The following DTX2 variants were observed in gnomAD, a reference collection of about 807,000 sequenced individuals.
DTX2 encodes probable E3 ubiquitin-protein ligase DTX2.
Under a neutral mutation model 55.3 loss-of-function variants are expected in DTX2, and 29 were observed. The observed-to-expected ratio is 0.52, with a 90% CI of 0.39 to 0.71. The LOEUF (loss-of-function observed/expected upper bound fraction) is 0.71. Among genes scored for constraint, DTX2 ranks in the 30% least tolerant of loss-of-function variants. The pLI is 0.00. For missense variants in DTX2, 537 were observed against 822.5 expected (o/e 0.65, Z 4.25); for synonymous variants, 276 against 340.4 (o/e 0.81, Z 2.08).
chr7:76,502,780 G>T (rs547856779), intron 8 of DTX2: 1 of 424,260 alleles, frequency 2.4e-6, no homozygotes, highest in East Asian at 3.8e-5. Context: ...TGTAAGCACC[G>T]CAGACACTGT....
At chr7:76,499,461 T>C (rs1374643240) in intron 6 of DTX2, among the ~76,000 whole-genome samples, 3 of 152,044 alleles carry the variant, frequency 2.0e-5, no homozygotes, top group Non-Finnish European at 4.4e-5. Context: ...GCCCTCAGGC[T>C]TAGAATTCTC....
rs372062282 is a variant in DTX2, at chr7:76,502,527, G to A, written c.1389+71G>A. 4.8e-4 allele frequency: 740 copies of A among 1,528,654 alleles called. 3 individuals are homozygous for A. The highest frequency in any genetic ancestry group is 4.3e-3 in the South Asian group (353 of 81,638). 94.7% of individuals were successfully genotyped at this position (1,528,654 alleles called of 1,614,324 possible). Reference sequence around the variant, plus strand: ...GTCCTGAGCTGTCCCCTGCAGGGGCGGGAGGGTTCCGGGGGTGGCTGTAGG... The same window carrying A: ...GTCCTGAGCTGTCCCCTGCAGGGGCAGGAGGGTTCCGGGGGTGGCTGTAGG... On this transcript the variant is annotated intron_variant, in intron 8 of 10. Coordinates refer to ENST00000430490, the MANE Select transcript of DTX2 (RefSeq NM_001102594.3).
intron 8 of DTX2, chr7:76,503,132 A>G (rs529832992): frequency 4.2e-6 from 2 of 479,834 alleles, no homozygotes; most frequent in East Asian, 3.4e-5. Context: ...AAGGCTGTCT[A>G]TCCGACTGCA....
chr7:76,463,062 G>A (rs1337168815), intron 1 of DTX2, among the ~76,000 whole-genome samples: 1 of 106,214 alleles, frequency 9.4e-6, no homozygotes, highest in East Asian at 2.6e-4. Flanking sequence ...GGGAGACCCC[G>A]TCTCAAAAAA....
rs1424899956 is a variant in DTX2, at chr7:76,484,110, G to A, written c.908+963G>A. Among the ~76,000 whole-genome samples, 9 of 131,558 alleles carry A rather than the reference G, an allele frequency of 6.8e-5. No homozygotes were observed. In the East Asian group the frequency reaches 1.4e-3, roughly 20 times the overall value. 86.3% of individuals were successfully genotyped at this position (131,558 alleles called of 152,430 possible). Reference sequence around the variant, plus strand: ...TGTAGTTCCAGCACTTTGGGAGGCCGAGGTGGGCGGATCACCTGAGGTCAG... The same window carrying A: ...TGTAGTTCCAGCACTTTGGGAGGCCAAGGTGGGCGGATCACCTGAGGTCAG... On this transcript the variant is annotated intron_variant, in intron 4 of 10. Coordinates refer to ENST00000430490, the MANE Select transcript of DTX2 (RefSeq NM_001102594.3).
chr7:76,491,951 C>CG (rs1376877887), intron 4 of DTX2: 1 of 588,466 alleles, frequency 1.7e-6, no homozygotes, highest in African/African-American at 1.9e-5. Flanking sequence ...CTGGGATTAC[C>CG]GGTGTGAGCC....
intron 2 of DTX2, among the ~76,000 whole-genome samples, chr7:76,472,997 G>C (rs1054760584): frequency 6.6e-6 from 1 of 151,348 alleles, no homozygotes; most frequent in Admixed American, 6.6e-5. Flanking sequence ...TTTCTTTTCC[G>C]TTTTTTTTAA....
intron 4 of DTX2, among the ~76,000 whole-genome samples, chr7:76,487,231 A>T: frequency 3.5e-5 from 1 of 28,874 alleles, no homozygotes; most frequent in South Asian, 1.1e-3. Flanking sequence ...CTAATTTTTT[A>T]AATTTTTTGT....
At chr7:76,499,026 A>G (rs1489415546) in intron 6 of DTX2, among the ~76,000 whole-genome samples, 6 of 14,290 alleles carry the variant, frequency 4.2e-4, no homozygotes, top group Admixed American at 8.4e-4. Flanking sequence ...GGGGTGTGTG[A>G]GGTGGGGTGT....
chr7:76,505,640 G>A lies in DTX2; in HGVS notation c.*39G>A, dbSNP rs760456971. 1.3e-5 allele frequency: 20 copies of A among 1,528,530 alleles called. No homozygotes were observed. The highest frequency in any genetic ancestry group is 7.9e-5 in the Admixed American group (4 of 50,750). 94.7% of individuals were successfully genotyped at this position (1,528,530 alleles called of 1,614,324 possible). On this transcript the variant is annotated 3_prime_UTR_variant, in exon 11 of 11. Coordinates refer to ENST00000430490, the MANE Select transcript of DTX2 (RefSeq NM_001102594.3). This position sits in a 1 kb window ranked among gnomAD's most constrained non-coding sequence, Gnocchi z 4.4. ...CACGCCCGCCTCTGGTGGCCACCCC[G>A]CTGCCCCATGGCTGGCTGGGTGGCC...
chr7:76,505,331 C>A lies in DTX2; in HGVS notation c.1642-43C>A. On this transcript the variant is annotated intron_variant, in intron 10 of 10. Coordinates refer to ENST00000430490, the MANE Select transcript of DTX2 (RefSeq NM_001102594.3). The surrounding 1 kb of genome is among the most constrained non-coding windows in gnomAD (Gnocchi z 4.4). ...GCCTGCTCACTGAGCCCCTCTCACT[C>A]TCCGTCCCCTCCTTCCTCTTCCCCC... 6.6e-7 allele frequency: 1 copy of A among 1,507,964 alleles called. No homozygotes were observed. Among genetic ancestry groups the A allele is most frequent in the Non-Finnish European group, 9.0e-7 (1 of 1,110,906 alleles). 93.4% of individuals were successfully genotyped at this position (1,507,964 alleles called of 1,614,324 possible).
intron 2 of DTX2, 37 bp from the exon 3 acceptor site, chr7:76,480,384 G>A: frequency 1.8e-6 from 2 of 1,141,488 alleles, no homozygotes; most frequent in South Asian, 3.3e-5. Flanking sequence ...GGCTACTGAT[G>A]TGCATTGGTA....
At chr7:76,503,375 C>G (rs1811952931) in intron 8 of DTX2, 51 bp from the exon 9 acceptor site, 1 of 1,586,290 alleles carries the variant, frequency 6.3e-7, no homozygotes, top group Admixed American at 1.7e-5. Flanking sequence ...AGGTGACGGT[C>G]TTGGGTGTTC....
chr7:76,482,686 G>A lies in DTX2; in HGVS notation c.447G>A (p.Gly149=), dbSNP rs1809389085. 6.2e-7 allele frequency: 1 copy of A among 1,613,656 alleles called. No homozygotes were observed. Among genetic ancestry groups the A allele is most frequent in the African/African-American group, 1.3e-5 (1 of 74,880 alleles). ...GNQLVDLAPL[G]YNYTVNYTTH... is the part of the protein sequence containing the mutation. Reference sequence around the variant, plus strand: ...AGCTCGTGGACTTGGCCCCCCTGGGGTACAACTACACTGTCAACTACACCA... The same window carrying A: ...AGCTCGTGGACTTGGCCCCCCTGGGATACAACTACACTGTCAACTACACCA... The change falls in exon 4 of 11, where the codon GGG becomes GGA. Residue 149 remains glycine, a synonymous_variant. Coordinates refer to ENST00000430490, the MANE Select transcript of DTX2 (RefSeq NM_001102594.3).
rs370743551 is a variant in DTX2 at position 76,503,475 on chromosome 7, C to T, written c.1439C>T (p.Thr480Met). Residue 480 changes from threonine (T) to methionine (M), a missense_variant, in exon 9 of 11, where the codon ACG becomes ATG. Thr to Met is a moderately conservative substitution (Grantham distance 81, BLOSUM62 -1). This residue lies in a region of DTX2 where 121 missense variants were observed against 136.8 expected (regional missense o/e 0.88). Transcript: ENST00000430490. ...PSCKTIYGEK[T>M]GTQPQGKMEV... ...TGCAAAACCATCTATGGAGAGAAGA[C>T]GGGGACCCAGCCCCAGGGAAAGATG... 72 of 1,612,878 alleles carry T rather than the reference C, an allele frequency of 4.5e-5. No homozygotes were observed. Among genetic ancestry groups the T allele is most frequent in the Non-Finnish European group, 5.4e-5 (64 of 1,179,942 alleles).
In DTX2 at chr7:76,476,786, T is replaced by C. The variant is rs561225811; in HGVS notation, c.-89-3635T>C. Among the ~76,000 whole-genome samples the C allele has an allele frequency of 1.1e-3, 174 of 151,338 alleles. 1 individual carries two copies. The highest frequency in any genetic ancestry group is 3.9e-3 in the African/African-American group (161 of 41,158). ...TCAAAGGTGGCGGGCTTGGTGTGAG[T>C]AGGAACAGTGGCTGGTCATGGAGGG... On this transcript the variant is annotated intron_variant, in intron 2 of 10. Coordinates refer to ENST00000430490, the MANE Select transcript of DTX2 (RefSeq NM_001102594.3).
chr7:76,487,876 C>A (rs1810060049), intron 4 of DTX2, among the ~76,000 whole-genome samples: 1 of 123,170 alleles, frequency 8.1e-6, no homozygotes, highest in Non-Finnish European at 1.8e-5. Flanking sequence ...AGGAGGGTGC[C>A]TGAGGCCATG....
chr7:76,483,606 T>A (rs1009001033), intron 4 of DTX2, among the ~76,000 whole-genome samples: 2 of 149,686 alleles, frequency 1.3e-5, no homozygotes, highest in Non-Finnish European at 3.0e-5. Context: ...GAGGGCAGAA[T>A]GTGGAGCACG....
chr7:76,501,929 C>T (rs1200182666), intron 7 of DTX2: 1 of 249,842 alleles, frequency 4.0e-6, no homozygotes, highest in African/African-American at 2.2e-5. Context: ...CGCTCTGTCA[C>T]CCAGGCTGGA....
Sources: allele counts gnomAD v4.1 joint callset (sites outside exome capture counted in the v4.1 genomes callset), GRCh38; gene constraint gnomAD v4.1.1; regional missense constraint gnomAD v4.1.1; non-coding constraint Gnocchi (gnomAD v3.1); transcripts MANE v1.5; gene names NCBI Gene and HGNC (gene_info 2026-07-23, HGNC 2026-07-21).